The following LONP1 variants were observed in gnomAD, a reference collection of about 807,000 sequenced individuals.
LONP1 encodes the protein lon protease homolog, mitochondrial.
Under a neutral mutation model 98.5 loss-of-function variants are expected in LONP1, and 31 were observed. That is an observed-to-expected ratio of 0.31 (90% confidence interval 0.24 to 0.42). LONP1 has a LOEUF of 0.42. LONP1 is among the 20% of genes least tolerant of loss of function. The pLI, the probability that LONP1 is intolerant of heterozygous loss-of-function variation, is 1.00. For synonymous variants in LONP1, 781 were observed against 594.7 expected, an observed-to-expected ratio of 1.31 and a Z score of -4.56; for missense variants, 1,336 against 1,350.6, an observed-to-expected ratio of 0.99 and a Z score of 0.17.
chr19:5,712,205 A>C, intron 3 of LONP1: 3 of 547,836 alleles, frequency 5.5e-6, no homozygotes, highest in African/African-American at 3.8e-5. Context: ...CACCCCTTAG[A>C]CTCCAGCCAG....
intron 8 of LONP1, among the ~76,000 whole-genome samples, chr19:5,703,684 C>CA (rs1275978281): frequency 4.6e-5 from 7 of 151,332 alleles, no homozygotes; most frequent in Non-Finnish European, 1.0e-4. Context: ...AGTTTAGAGA[C>CA]ACATGAAGTC....
chr19:5,701,593 G>A (rs1023790544), intron 8 of LONP1, among the ~76,000 whole-genome samples: 1 of 152,214 alleles, frequency 6.6e-6, no homozygotes, highest in East Asian at 1.9e-4. Context: ...TCGGCCTCCC[G>A]AGGTGCCGGG....
intron 8 of LONP1, among the ~76,000 whole-genome samples, chr19:5,701,195 C>A (rs564663609): frequency 6.6e-6 from 1 of 152,310 alleles, no homozygotes; most frequent in Non-Finnish European, 1.5e-5. Flanking sequence ...CCTGTAATCC[C>A]AGAATTTTGG....
chr19:5,699,448 C>T (rs984653062), intron 9 of LONP1, among the ~76,000 whole-genome samples: 6 of 152,074 alleles, frequency 3.9e-5, no homozygotes, highest in Non-Finnish European at 7.4e-5. Flanking sequence ...CGCGGCCACC[C>T]GGCAGTGCCA....
intron 4 of LONP1, among the ~76,000 whole-genome samples, chr19:5,710,896 C>T (rs529030421): frequency 7.2e-5 from 11 of 152,170 alleles, no homozygotes; most frequent in Admixed American, 3.3e-4. Flanking sequence ...TGTGGTGGCA[C>T]GTGCCTGCAA....
At chr19:5,694,686 C>T (rs201567049) in intron 14 of LONP1, 75 bp downstream of exon 14, 162 of 1,568,662 alleles carry the variant, frequency 1.0e-4, no homozygotes, top group Non-Finnish European at 1.3e-4. Context: ...GGATGATGGG[C>T]ATGGAAAGGT....
chr19:5,700,836 G>A lies in LONP1; in HGVS notation c.1459C>T (p.Leu487=). The change falls in exon 9 of 18, where the codon CTG becomes TTG. Residue 487 remains leucine (L), a synonymous_variant. Coordinates refer to ENST00000360614, the MANE Select transcript of LONP1 (RefSeq NM_004793.4). The stretch of plus-strand genomic sequence containing the variant: ...TCCATGCCGTAGTGGTCTTCCTCCA[G>A]CACTGCCTGTGCCCGCGCCAGGTCC... The part of the protein sequence containing the change: ...NLDLARAQAV[L]EEDHYGMEDV... The A allele has an allele frequency of 1.2e-6, 2 of 1,614,230 alleles. No individual in the cohort carries two copies. Among genetic ancestry groups the A allele is most frequent in the Non-Finnish European group, 1.7e-6 (2 of 1,180,026 alleles).
intron 8 of LONP1, among the ~76,000 whole-genome samples, 174 bp from the exon 9 acceptor site, chr19:5,701,101 C>G (rs1234451377): frequency 6.6e-6 from 1 of 152,082 alleles, no homozygotes; most frequent in Non-Finnish European, 1.5e-5. Flanking sequence ...ATCACTTGAG[C>G]CCAGGAGTTC....
chr19:5,713,982 A>G (rs1386354442), intron 2 of LONP1, among the ~76,000 whole-genome samples: 1 of 152,238 alleles, frequency 6.6e-6, no homozygotes, highest in South Asian at 2.1e-4. Flanking sequence ...TATCTTAACA[A>G]TGCATGAAGT....
upstream of LONP1, chr19:5,720,277 G>A (rs769053763): frequency 4.2e-6 from 5 of 1,192,186 alleles, no homozygotes; most frequent in South Asian, 5.8e-5. Context: ...GCGGAGAAGA[G>A]GGGGCGGAGT....
At position 5,696,740 on chromosome 19, in the gene LONP1, G is replaced by A; in HGVS notation, c.1703C>T (p.Ala568Val). 6.2e-7 allele frequency: 1 copy of A among 1,613,324 alleles called. No individual in the cohort carries two copies. Among genetic ancestry groups the A allele is most frequent in the Non-Finnish European group, 8.5e-7 (1 of 1,179,892 alleles). Residue 568 changes from alanine to valine, a missense_variant, in exon 11 of 18, where the codon GCC becomes GTC. Physicochemically the swap from Ala to Val is moderately conservative, Grantham distance 64. Transcript: ENST00000360614. ...ACACTGGATGATCTTCCCGGGCATG[G>A]CGCCCACGTAGGTCCGCCTGTGGGT... The part of the protein sequence containing the change: ...IKGHRRTYVG[A>V]MPGKIIQCLK...
Position 5,705,848 on chromosome 19 carries a change from G to A in LONP1, c.1291C>T (p.Pro431Ser). ...TCCACAACATCCATGACGTGCTTGGGGACCACGAGCTCCTTCAGGCGCTCC... is the reference window on the plus strand; with the variant it reads ...TCCACAACATCCATGACGTGCTTGGAGACCACGAGCTCCTTCAGGCGCTCC... The part of the protein sequence containing the change: ...FRERLKELVV[P>S]KHVMDVVDEE... The change falls in exon 8 of 18, where the codon CCC (proline) becomes TCC (serine). Residue 431 changes from proline (P) to serine (S), a missense_variant. By Grantham distance (74) the Pro-to-Ser change is moderately conservative. This residue lies in a region of LONP1 where 219 missense variants were observed against 241.0 expected (regional missense o/e 0.91). Coordinates refer to ENST00000360614, the MANE Select transcript of LONP1 (RefSeq NM_004793.4). 1 of 1,614,162 alleles carries A rather than the reference G, an allele frequency of 6.2e-7. No homozygotes were observed. Among genetic ancestry groups the A allele is most frequent in the Non-Finnish European group, 8.5e-7 (1 of 1,180,050 alleles).
At chr19:5,710,330 C>G (rs1019590084) in intron 4 of LONP1, among the ~76,000 whole-genome samples, 6 of 151,874 alleles carry the variant, frequency 4.0e-5, no homozygotes, top group Non-Finnish European at 7.4e-5. Flanking sequence ...CTCAGGTGAT[C>G]CGCCCACCTC....
In LONP1 at chr19:5,713,173, A is replaced by G. The variant is rs1024892443; in HGVS notation, c.599T>C (p.Leu200Pro). The G allele has an allele frequency of 6.2e-7, 1 of 1,614,192 alleles. No homozygotes were observed. The highest frequency in any genetic ancestry group is 8.5e-7 in the Non-Finnish European group (1 of 1,180,020). The change falls in exon 3 of 18, where the codon CTT (leucine) becomes CCT (proline). Residue 200 changes from leucine (L) to proline (P), a missense_variant. Leu to Pro is a moderately conservative substitution (Grantham distance 98). Coordinates refer to ENST00000360614, the MANE Select transcript of LONP1 (RefSeq NM_004793.4). ...GACGATCATGCGCAGCTTGTCCCCA[A>G]GGTCCTGCATCTCATGGATCTGGGC... ...TFAQIHEMQD[L>P]GDKLRMIVMG...
chr19:5,715,697 A>G (rs969708494), intron 1 of LONP1, among the ~76,000 whole-genome samples: 11 of 128,350 alleles, frequency 8.6e-5, no homozygotes, highest in Non-Finnish European at 1.3e-4. Context: ...TCACTCTGCC[A>G]CCCAGGCTGG....
At chr19:5,704,452 G>A (rs1010003493) in intron 8 of LONP1, among the ~76,000 whole-genome samples, 7 of 152,194 alleles carry the variant, frequency 4.6e-5, no homozygotes, top group African/African-American at 1.7e-4. Flanking sequence ...TCCGGCGACC[G>A]TGACATTCAA....
chr19:5,695,990 G>A (rs1438660582), intron 13 of LONP1, 64 bp downstream of exon 13: 6 of 1,459,010 alleles, frequency 4.1e-6, no homozygotes, highest in African/African-American at 2.8e-5. Flanking sequence ...CACGGCCTCT[G>A]CAGGCTCTGG....
chr19:5,714,051 G>A (rs1268033951), intron 2 of LONP1, 132 bp downstream of exon 2: 1 of 648,634 alleles, frequency 1.5e-6, no homozygotes, highest in Non-Finnish European at 2.7e-6. Context: ...GTGGCTTCTG[G>A]CCTTTATTCT....
upstream of LONP1, chr19:5,720,232 G>A: frequency 2.2e-6 from 3 of 1,372,952 alleles, no homozygotes; most frequent in Non-Finnish European, 2.8e-6. Context: ...ATGGGCGCGT[G>A]GCTCGAAACA....
Sources: gnomAD v4.1 joint callset for allele counts (sites outside exome capture counted in the v4.1 genomes callset) on GRCh38, gnomAD v4.1.1 for gene constraint, gnomAD v4.1.1 regional missense constraint, MANE v1.5 for transcripts, NCBI Gene and HGNC (gene_info 2026-07-23, HGNC 2026-07-21) for gene names.